The following CDC123 variants were observed in gnomAD, a reference collection of about 807,000 sequenced individuals.
The protein encoded by CDC123 is translation initiation factor eIF2 assembly protein.
In CDC123, 37 loss-of-function variants were observed where a neutral mutation model predicts 54.4. That is an observed-to-expected ratio of 0.68 (90% confidence interval 0.52 to 0.89). The LOEUF is 0.89. Among genes scored for constraint, CDC123 ranks in the 40% least tolerant of loss-of-function variants. The pLI, the probability that CDC123 is intolerant of heterozygous loss-of-function variation, is 0.00. For missense variants in CDC123, 361 were observed against 412.1 expected (o/e 0.88, Z 1.07); for synonymous variants, 144 against 136.8 (o/e 1.05, Z -0.37).
intron 2 of CDC123, among the ~76,000 whole-genome samples, chr10:12,207,130 T>A (rs1387231198): frequency 6.6e-6 from 1 of 152,182 alleles, no homozygotes. Flanking sequence ...TCCTCTAATT[T>A]CTTGCTTCTC....
chr10:12,248,938 C>T (rs1046765734), intron 11 of CDC123, among the ~76,000 whole-genome samples: 1 of 151,800 alleles, frequency 6.6e-6, no homozygotes, highest in Admixed American at 6.6e-5. Context: ...AGTGAAATCC[C>T]TATCTCTACT....
intron 2 of CDC123, among the ~76,000 whole-genome samples, chr10:12,202,209 A>G (rs1215287073): frequency 6.6e-6 from 1 of 152,170 alleles, no homozygotes; most frequent in Non-Finnish European, 1.5e-5. Context: ...CACCTGTTTC[A>G]CCGTCACTCC....
chr10:12,230,843 T>G, intron 6 of CDC123, 105 bp from the exon 7 acceptor site: 1 of 1,045,206 alleles, frequency 9.6e-7, no homozygotes, highest in Non-Finnish European at 1.4e-6. Flanking sequence ...TGTTTCTGGA[T>G]GCTTTTAGTA....
At chr10:12,228,401 T>G (rs1029687188) in intron 6 of CDC123, among the ~76,000 whole-genome samples, 2 of 120,838 alleles carry the variant, frequency 1.7e-5, no homozygotes, top group South Asian at 2.9e-4. Flanking sequence ...AAAACTAGGT[T>G]GTTTTTAGTT....
intron 2 of CDC123, among the ~76,000 whole-genome samples, chr10:12,209,122 C>T (rs1227818066): frequency 6.6e-6 from 1 of 152,172 alleles, no homozygotes; most frequent in Non-Finnish European, 1.5e-5. Flanking sequence ...AGATGATTCT[C>T]AGTATTATCA....
intron 6 of CDC123, among the ~76,000 whole-genome samples, chr10:12,227,430 T>A (rs1470314739): frequency 6.6e-6 from 1 of 152,220 alleles, no homozygotes; most frequent in Non-Finnish European, 1.5e-5. Flanking sequence ...TCTCCTTATG[T>A]AGATTATCTA....
intron 8 of CDC123, 41 bp downstream of exon 8, chr10:12,235,164 A>G: frequency 2.0e-6 from 3 of 1,515,592 alleles, no homozygotes; most frequent in East Asian, 2.3e-5. Context: ...CTTCAAAGTC[A>G]TCTTTAAAAG....
chr10:12,218,086 A>G (rs1254662073), intron 6 of CDC123, among the ~76,000 whole-genome samples: 1 of 151,548 alleles, frequency 6.6e-6, no homozygotes, highest in East Asian at 1.9e-4. Flanking sequence ...GCGAGACTCC[A>G]TCTCAAAACA....
chr10:12,196,343 G>A (rs758701338), intron 1 of CDC123, 24 bp downstream of exon 1: 2 of 1,613,826 alleles, frequency 1.2e-6, no homozygotes, highest in Admixed American at 1.7e-5. Context: ...GGGTTCGCCC[G>A]GTCGACCGGC....
At chr10:12,229,012 G>A (rs1397194247) in intron 6 of CDC123, among the ~76,000 whole-genome samples, 1 of 152,192 alleles carries the variant, frequency 6.6e-6, no homozygotes, top group African/African-American at 2.4e-5. Flanking sequence ...ACCGTGCCAG[G>A]TCTGCCCCCT....
intron 10 of CDC123, among the ~76,000 whole-genome samples, chr10:12,243,476 T>G (rs1836087572): frequency 6.6e-6 from 1 of 151,598 alleles, no homozygotes; most frequent in South Asian, 2.1e-4. Context: ...AAAAATGAGT[T>G]AGTTTTACTG....
At chr10:12,196,474 G>C (rs1835348528) in intron 1 of CDC123, among the ~76,000 whole-genome samples, 155 bp downstream of exon 1, 1 of 152,200 alleles carries the variant, frequency 6.6e-6, no homozygotes, top group Non-Finnish European at 1.5e-5. Flanking sequence ...TCTGCGTCCT[G>C]TTGCGAGCCA....
chr10:12,225,871 C>T (rs1835806329), intron 6 of CDC123, among the ~76,000 whole-genome samples: 2 of 144,738 alleles, frequency 1.4e-5, no homozygotes, highest in Non-Finnish European at 3.0e-5. Flanking sequence ...AACATGTGAA[C>T]AAGGGTCTCT....
At position 12,246,209 on chromosome 10, in the gene CDC123, A is replaced by T. The variant is rs1406968068; in HGVS notation, c.778A>T (p.Thr260Ser). ...TGAAGTCACAGATTCACTGCTGTTC[A>T]CCTGGGAAGAACTGATATCTGAGAA... Reference protein sequence around the residue: ...FGEVTDSLLFTWEELISENNL... With the variant: ...FGEVTDSLLFSWEELISENNL... Residue 260 changes from threonine to serine, a missense_variant, in exon 11 of 13, where the codon ACC becomes TCC. Coordinates refer to ENST00000281141, the MANE Select transcript of CDC123 (RefSeq NM_006023.3). The T allele has an allele frequency of 1.9e-6, 3 of 1,614,050 alleles. No homozygotes were observed. In the African/African-American group the frequency reaches 4.0e-5, roughly 22 times the overall value.
chr10:12,197,175 C>T (rs1400932200), intron 1 of CDC123, among the ~76,000 whole-genome samples: 1 of 152,040 alleles, frequency 6.6e-6, no homozygotes, highest in Non-Finnish European at 1.5e-5. Context: ...CGCTTGTTAG[C>T]TTTGTAAGAG....
At chr10:12,226,305 A>G (rs1835813142) in intron 6 of CDC123, among the ~76,000 whole-genome samples, 1 of 152,066 alleles carries the variant, frequency 6.6e-6, no homozygotes, top group African/African-American at 2.4e-5. Context: ...GCGGCTGGGC[A>G]GAGGCGCCCC....
chr10:12,206,785 C>T (rs1360187888), intron 2 of CDC123, among the ~76,000 whole-genome samples: 3 of 151,930 alleles, frequency 2.0e-5, no homozygotes, highest in South Asian at 4.2e-4. Context: ...GGTGAAACCC[C>T]ATCTCTACTA....
At chr10:12,205,801 CT>C (rs1203357821) in intron 2 of CDC123, among the ~76,000 whole-genome samples, 360 of 143,704 alleles carry the variant, frequency 2.5e-3, no homozygotes, top group Middle Eastern at 3.6e-3. Context: ...TAAACTTTCA[CT>C]TTTTTTTTTT....
At position 12,250,545 on chromosome 10, in the gene CDC123, A is replaced by C; in HGVS notation, c.*208A>C. ...AACATAATAAATAGATCTTAAACATAGGAAAACCATACTGTTCTGATAATA... is the reference window on the plus strand; with the variant it reads ...AACATAATAAATAGATCTTAAACATCGGAAAACCATACTGTTCTGATAATA... On this transcript the variant is annotated 3_prime_UTR_variant, in exon 13 of 13. Coordinates refer to ENST00000281141, the MANE Select transcript of CDC123 (RefSeq NM_006023.3). 1 of 614,368 alleles carries C rather than the reference A, an allele frequency of 1.6e-6. No individual in the cohort carries two copies. 38.1% of individuals were successfully genotyped at this position (614,368 alleles called of 1,614,324 possible).
Sources: gnomAD v4.1 joint callset for allele counts (sites outside exome capture counted in the v4.1 genomes callset) on GRCh38, gnomAD v4.1.1 for gene constraint, MANE v1.5 for transcripts, NCBI Gene and HGNC (gene_info 2026-07-23, HGNC 2026-07-21) for gene names.